The following FTCDNL1 variants were observed in gnomAD, a reference collection of about 807,000 sequenced individuals.
FTCDNL1 encodes the protein formiminotransferase N-terminal subdomain-containing protein.
A neutral mutation model predicts 5.9 loss-of-function variants in FTCDNL1; 11 were observed. That is an observed-to-expected ratio of 1.87 (90% CI 1.18 to 3.10). The LOEUF is 3.10. Ranked by LOEUF, FTCDNL1 falls within the 30% of genes most tolerant of loss-of-function variation. FTCDNL1 has a pLI of 0.00. For synonymous variants in FTCDNL1, 58 were observed against 24.8 expected, an observed-to-expected ratio of 2.34 and a Z score of -3.99; for missense variants, 115 against 65.5, an observed-to-expected ratio of 1.76 and a Z score of -2.61.
intron 2 of FTCDNL1, among the ~76,000 whole-genome samples, chr2:199,846,938 T>C (rs1375051492): frequency 6.6e-6 from 1 of 152,190 alleles, no homozygotes; most frequent in African/African-American, 2.4e-5. Context: ...AAACCTTTGG[T>C]TATGCTATTA....
intron 3 of FTCDNL1, among the ~76,000 whole-genome samples, chr2:199,829,334 C>T (rs764305400): frequency 2.0e-5 from 3 of 152,132 alleles, no homozygotes; most frequent in Non-Finnish European, 2.9e-5. Context: ...TTTTAACCTT[C>T]GTGTTTGGCT....
chr2:199,732,328 T>C, the FTCDNL1 span, among the ~76,000 whole-genome samples: 5 of 152,196 alleles, frequency 3.3e-5, no homozygotes, highest in Non-Finnish European at 5.9e-5. Flanking sequence ...CCTAATCTCT[T>C]AAACAAAAAG....
chr2:199,848,491 T>C (rs1285543999), intron 2 of FTCDNL1, among the ~76,000 whole-genome samples: 3 of 152,264 alleles, frequency 2.0e-5, no homozygotes, highest in Non-Finnish European at 2.9e-5. Flanking sequence ...ATGCTCATTC[T>C]ATTAATGATC....
chr2:199,772,338 C>T (rs1446873196), intron 3 of FTCDNL1, among the ~76,000 whole-genome samples: 2 of 152,166 alleles, frequency 1.3e-5, no homozygotes, highest in East Asian at 3.8e-4. Context: ...ACCAAAACTT[C>T]GGAAAGCGAA....
At chr2:199,841,654 C>T (rs2106633877) in intron 3 of FTCDNL1, among the ~76,000 whole-genome samples, 1 of 152,106 alleles carries the variant, frequency 6.6e-6, no homozygotes, top group South Asian at 2.1e-4. Flanking sequence ...CAAATGACAG[C>T]ATGTAAAAAA....
intron 3 of FTCDNL1, among the ~76,000 whole-genome samples, chr2:199,790,497 CAA>C (rs375948736): frequency 1.4e-4 from 10 of 71,310 alleles, no homozygotes; most frequent in Middle Eastern, 8.6e-3. Flanking sequence ...GACTCTGTCT[CAA>C]AAAAAAAAAA....
In FTCDNL1 at chr2:199,812,724, G is replaced by C; in HGVS notation, c.398C>G (p.Ala133Gly). ...CAACTGTCACAACGCCCTGAAGCAA[G>C]CTAAAAACAAGGAAAAAAATCTTTG... ...AAPSQRCGLT[A>G]CFRAL is the part of the protein sequence containing the mutation. Residue 133 changes from alanine to glycine, a missense_variant and splice_region_variant, in exon 5 of 5, where the codon GCT becomes GGT. By Grantham distance (60) the Ala-to-Gly change is moderately conservative. Coordinates refer to ENST00000420128, the MANE Select transcript of FTCDNL1 (RefSeq NM_001363886.2). The C allele has an allele frequency of 1.4e-6, 1 of 697,996 alleles. No individual in the cohort carries two copies. The highest frequency in any genetic ancestry group is 2.6e-6 in the Non-Finnish European group (1 of 383,236). The allele number at this position is 697,996 out of a possible 1,614,324, so 43.2% of individuals were successfully genotyped here.
In FTCDNL1 at chr2:199,809,668, A is replaced by G. The variant is rs1322477632; in HGVS notation, c.*3037T>C. Among the ~76,000 whole-genome samples the G allele has an allele frequency of 3.9e-5, 6 of 152,156 alleles. No individual in the cohort carries two copies. Among genetic ancestry groups the G allele is most frequent in the Admixed American group, 3.3e-4 (5 of 15,260 alleles). On this transcript the variant is annotated 3_prime_UTR_variant, in exon 5 of 5. Coordinates refer to ENST00000420128, the MANE Select transcript of FTCDNL1 (RefSeq NM_001363886.2). ...ACCCTTCTCTTTGCTCAAAAACAGT[A>G]TGTTCTCTAAACCTTTAGACTTTCC...
At chr2:199,744,794 A>T in the FTCDNL1 span, among the ~76,000 whole-genome samples, 1 of 152,186 alleles carries the variant, frequency 6.6e-6, no homozygotes, top group South Asian at 2.1e-4. Context: ...ATTTCTCCTC[A>T]TATTAGCTCA....
chr2:199,848,874 G>C lies in FTCDNL1; in HGVS notation c.89C>G (p.Ala30Gly). Residue 30 changes from alanine (A) to glycine (G), a missense_variant, in exon 2 of 5, where the codon GCA becomes GGA. Physicochemically the swap from Ala to Gly is moderately conservative, Grantham distance 60. Coordinates refer to ENST00000420128, the MANE Select transcript of FTCDNL1 (RefSeq NM_001363886.2). ...AGRKYIVENI[A>G]KAALLDKNGK... ...ATTTTTGTCAAGAAGAGCTGCTTTT[G>C]CTATGTTCTCAACAATGTATTTTCT... 1.4e-6 allele frequency: 1 copy of C among 702,088 alleles called. No homozygotes were observed. Among genetic ancestry groups the C allele is most frequent in the Non-Finnish European group, 2.6e-6 (1 of 384,720 alleles). The allele number at this position is 702,088 out of a possible 1,614,324, so 43.5% of individuals were successfully genotyped here. A position where few individuals can be genotyped will look rare whatever the true frequency, so the allele number is the denominator to read the frequency against.
chr2:199,682,970 G>A, the FTCDNL1 span, among the ~76,000 whole-genome samples: 1 of 152,164 alleles, frequency 6.6e-6, no homozygotes, highest in Non-Finnish European at 1.5e-5. Flanking sequence ...TCATATTCAA[G>A]ACAGATTACT....
chr2:199,726,492 T>G, the FTCDNL1 span, among the ~76,000 whole-genome samples: 1 of 152,196 alleles, frequency 6.6e-6, no homozygotes, highest in Non-Finnish European at 1.5e-5. Context: ...TTTGTCCATG[T>G]TTTTGCGCTG....
chr2:199,752,740 C>CTGTGTGTGTGTGTGTG, the FTCDNL1 span, among the ~76,000 whole-genome samples: 1 of 30,622 alleles, frequency 3.3e-5, no homozygotes, highest in African/African-American at 4.7e-5. Context: ...CTCTCTCTCT[C>CTGTGTGTGTGTGTGTG]TGTGTGTGTG....
the FTCDNL1 span, among the ~76,000 whole-genome samples, chr2:199,718,645 A>T: frequency 8.5e-5 from 13 of 152,290 alleles, no homozygotes; most frequent in South Asian, 2.7e-3. Context: ...TGTAAAGGTT[A>T]TACTTATTTA....
intron 3 of FTCDNL1, among the ~76,000 whole-genome samples, chr2:199,841,228 A>C (rs1323507949): frequency 6.6e-6 from 1 of 152,072 alleles, no homozygotes; most frequent in African/African-American, 2.4e-5. Flanking sequence ...GTTTTTATAG[A>C]AAATGAAAAC....
the FTCDNL1 span, among the ~76,000 whole-genome samples, chr2:199,669,787 C>T: frequency 1.3e-5 from 2 of 152,118 alleles, no homozygotes; most frequent in East Asian, 1.9e-4. Flanking sequence ...TTCTTACCTC[C>T]GTCCTTGATT....
chr2:199,732,731 A>T, the FTCDNL1 span, among the ~76,000 whole-genome samples: 1 of 152,212 alleles, frequency 6.6e-6, no homozygotes, highest in South Asian at 2.1e-4. Context: ...AAAATATATT[A>T]AAAAAGGAAA....
At chr2:199,758,316 A>G (rs1342295164), downstream of FTCDNL1, among the ~76,000 whole-genome samples, 1 of 150,382 alleles carries the variant, frequency 6.6e-6, no homozygotes, top group Non-Finnish European at 1.5e-5. Context: ...GAAAACAAAC[A>G]AATAACTTAT....
chr2:199,818,325 C>T (rs1275087024), intron 4 of FTCDNL1: 4 of 152,326 alleles, frequency 2.6e-5, no homozygotes, highest in Middle Eastern at 3.4e-3. Flanking sequence ...AGCAATCAGT[C>T]TCTTCCTTTT....
Sources: allele counts gnomAD v4.1 joint callset (sites outside exome capture counted in the v4.1 genomes callset), GRCh38; gene constraint gnomAD v4.1.1; transcripts MANE v1.5; gene names NCBI Gene and HGNC (gene_info 2026-07-23, HGNC 2026-07-21).